NEGR1: variants seen among roughly 807,000 people sequenced by gnomAD.
NEGR1 encodes IgLON family member 4.
NEGR1 carries 10 observed loss-of-function variants against 40.9 expected under a neutral mutation model. The ratio of observed to expected loss-of-function variants is 0.24; its 90% CI spans 0.15 to 0.42. The LOEUF (loss-of-function observed/expected upper bound fraction) is 0.42, where lower values mean the gene tolerates loss of function less well. Ranked by LOEUF, NEGR1 falls within the 10% of genes least tolerant of loss-of-function variation. NEGR1 has a pLI of 1.00. For missense variants in NEGR1, 352 were observed against 438.9 expected, an observed-to-expected ratio of 0.80 and a Z score of 1.77; for synonymous variants, 185 against 166.8, an observed-to-expected ratio of 1.11 and a Z score of -0.84.
At chr1:71,645,004 C>G (rs760689724) in intron 4 of NEGR1, among the ~76,000 whole-genome samples, 1 of 151,964 alleles carries the variant, frequency 6.6e-6, no homozygotes, top group Non-Finnish European at 1.5e-5. Flanking sequence ...TGTACTCACA[C>G]AATTTACACA....
At chr1:71,638,846 T>A (rs1354545709) in intron 4 of NEGR1, among the ~76,000 whole-genome samples, 1 of 151,972 alleles carries the variant, frequency 6.6e-6, no homozygotes, top group Non-Finnish European at 1.5e-5. Flanking sequence ...AAGTCCCCTT[T>A]AAAATGCCCT....
chr1:71,540,500 A>G (rs1647655208), intron 6 of NEGR1, among the ~76,000 whole-genome samples: 1 of 151,780 alleles, frequency 6.6e-6, no homozygotes, highest in Non-Finnish European at 1.5e-5. Flanking sequence ...ATAGAGAGGA[A>G]TGGCTTTTAG....
intron 1 of NEGR1, among the ~76,000 whole-genome samples, chr1:72,080,117 T>A (rs1647932896): frequency 6.6e-6 from 1 of 152,148 alleles, no homozygotes; most frequent in Admixed American, 6.6e-5. Context: ...GTTCATATTT[T>A]GGTGCTATTA....
At chr1:71,475,801 C>A (rs1477112668) in intron 6 of NEGR1, among the ~76,000 whole-genome samples, 1 of 151,902 alleles carries the variant, frequency 6.6e-6, no homozygotes, top group Non-Finnish European at 1.5e-5. Context: ...TTCTCTCTGG[C>A]AAAAATTTAT....
chr1:71,779,832 G>C (rs1431282556), intron 2 of NEGR1, among the ~76,000 whole-genome samples: 1 of 152,016 alleles, frequency 6.6e-6, no homozygotes, highest in Non-Finnish European at 1.5e-5. Flanking sequence ...GCCTCCCAAA[G>C]TGCTGGGTTT....
At chr1:71,876,992 A>G (rs1180956124) in intron 2 of NEGR1, among the ~76,000 whole-genome samples, 1 of 139,216 alleles carries the variant, frequency 7.2e-6, no homozygotes, top group East Asian at 2.3e-4. Flanking sequence ...GCAGTAGTTA[A>G]AAAAAAAATA....
At chr1:72,117,017 G>A (rs1464554850) in intron 1 of NEGR1, among the ~76,000 whole-genome samples, 1 of 151,702 alleles carries the variant, frequency 6.6e-6, no homozygotes, top group African/African-American at 2.4e-5. Context: ...TCAAATGAAA[G>A]TTTAAGTAGT....
chr1:71,985,818 T>C (rs1646389545), intron 1 of NEGR1, among the ~76,000 whole-genome samples: 1 of 152,190 alleles, frequency 6.6e-6, no homozygotes, highest in South Asian at 2.1e-4. Flanking sequence ...GGATATTTAA[T>C]AGGCTTGTTT....
intron 1 of NEGR1, among the ~76,000 whole-genome samples, chr1:72,009,902 A>C (rs1043707811): frequency 2.6e-5 from 4 of 152,148 alleles, no homozygotes; most frequent in Non-Finnish European, 5.9e-5. Flanking sequence ...TAGCCATTCT[A>C]CTGCTAGTTA....
chr1:71,579,574 C>A (rs1251570599), intron 6 of NEGR1, among the ~76,000 whole-genome samples: 5 of 146,982 alleles, frequency 3.4e-5, no homozygotes, highest in South Asian at 2.2e-4. Flanking sequence ...TTTTTTAATA[C>A]AAAATACAAA....
At chr1:72,043,605 C>G (rs1042623686) in intron 1 of NEGR1, among the ~76,000 whole-genome samples, 4 of 151,846 alleles carry the variant, frequency 2.6e-5, no homozygotes, top group Non-Finnish European at 5.9e-5. Flanking sequence ...CTAAAATGAA[C>G]TGTATATTCC....
intron 3 of NEGR1, among the ~76,000 whole-genome samples, chr1:71,721,476 AAAAAT>A (rs142025957): frequency 0.41 from 62,681 of 151,574 alleles, 15,316 homozygotes; most frequent in Middle Eastern, 0.6. Context: ...CATTGGTACA[AAAAAT>A]AAAATAAAAA....
At chr1:71,877,778 T>C (rs1191375162) in intron 2 of NEGR1, among the ~76,000 whole-genome samples, 3 of 152,140 alleles carry the variant, frequency 2.0e-5, no homozygotes, top group African/African-American at 7.2e-5. Context: ...CAATAAAAAA[T>C]TGCTTTCAGT....
chr1:72,275,623 A>C (rs2100564821), intron 1 of NEGR1, among the ~76,000 whole-genome samples: 1 of 152,254 alleles, frequency 6.6e-6, no homozygotes, highest in East Asian at 1.9e-4. Flanking sequence ...TCTCTAGAGC[A>C]TCCCTGAGAG....
At chr1:72,048,020 A>G (rs1306192119) in intron 1 of NEGR1, among the ~76,000 whole-genome samples, 1 of 151,608 alleles carries the variant, frequency 6.6e-6, no homozygotes, top group African/African-American at 2.4e-5. Context: ...AAAATGGACC[A>G]ACTACTCTTT....
In NEGR1 at chr1:71,698,090, C is replaced by A; in HGVS notation, c.585G>T (p.Arg195Ser). The A allele has an allele frequency of 6.2e-7, 1 of 1,610,874 alleles. No homozygotes were observed. Residue 195 changes from arginine to serine, a missense_variant, in exon 4 of 7, where the codon AGG becomes AGT. This residue lies in a region of NEGR1 where 184 missense variants were observed against 208.7 expected (regional missense o/e 0.88). Coordinates refer to ENST00000357731, the MANE Select transcript of NEGR1 (RefSeq NM_173808.3). ...GQYLDIYGIT[R>S]DQAGEYECSA... ...TGCATTCATATTCCCCAGCCTGGTC[C>A]CTTGTAATTCCATAAATGTCCAAAT...
intron 4 of NEGR1, among the ~76,000 whole-genome samples, chr1:71,639,296 T>C (rs902818158): frequency 3.3e-5 from 5 of 151,930 alleles, no homozygotes; most frequent in African/African-American, 9.7e-5. Flanking sequence ...TTGTGCTTTA[T>C]GATTTTCATC....
intron 1 of NEGR1, among the ~76,000 whole-genome samples, chr1:72,278,130 C>T (rs921052662): frequency 2.0e-5 from 3 of 152,058 alleles, no homozygotes; most frequent in South Asian, 2.1e-4. Flanking sequence ...AGGCTTCTTC[C>T]GTATTAGAGT....
intron 2 of NEGR1, among the ~76,000 whole-genome samples, chr1:71,887,992 GACACACACACACACACACACACACAC>G (rs57794150): frequency 7.2e-6 from 1 of 138,182 alleles, no homozygotes; most frequent in Non-Finnish European, 1.6e-5. Context: ...CTTTTGAAAG[GACACACACACACACACACACACACAC>G]ACACACACAC....
Sources: allele counts gnomAD v4.1 joint callset (sites outside exome capture counted in the v4.1 genomes callset), GRCh38; gene constraint gnomAD v4.1.1; regional missense constraint gnomAD v4.1.1; transcripts MANE v1.5; gene names NCBI Gene and HGNC (gene_info 2026-07-23, HGNC 2026-07-21).